PIK3C3: variants seen among roughly 807,000 people sequenced by gnomAD.
PIK3C3 encodes PI3-kinase type 3.
In PIK3C3, 95 loss-of-function variants were observed where a neutral mutation model predicts 126.1. The ratio of observed to expected loss-of-function variants is 0.75; its 90% CI spans 0.64 to 0.89. PIK3C3 has a LOEUF of 0.89. PIK3C3 is among the 40% of genes least tolerant of loss of function. The probability of loss-of-function intolerance (pLI) is 0.00; values close to 1 mark genes in which losing one functional copy is unlikely to be tolerated. For synonymous variants in PIK3C3, 374 were observed against 360.0 expected, an observed-to-expected ratio of 1.04 and a Z score of -0.44; for missense variants, 829 against 1,063.2, an observed-to-expected ratio of 0.78 and a Z score of 3.06.
At chr18:42,030,737 A>C (rs1429927973) in intron 15 of PIK3C3, among the ~76,000 whole-genome samples, 1 of 152,202 alleles carries the variant, frequency 6.6e-6, no homozygotes, top group Admixed American at 6.5e-5. Context: ...ACCTCTCCCC[A>C]GAGGTGGCTG....
intron 22 of PIK3C3, chr18:42,059,762 T>A (rs890086668): frequency 6.6e-6 from 1 of 152,054 alleles, no homozygotes; most frequent in Non-Finnish European, 1.5e-5. Context: ...CCTAAATTAT[T>A]TGATCAACTT....
intron 11 of PIK3C3, among the ~76,000 whole-genome samples, chr18:42,015,091 C>CT (rs768497650): frequency 1.4e-4 from 21 of 151,958 alleles, no homozygotes; most frequent in African/African-American, 4.8e-4. Context: ...TTTTTTAGTT[C>CT]TTTTTTTAAG....
At chr18:42,058,561 A>C (rs1371446041) in intron 22 of PIK3C3, among the ~76,000 whole-genome samples, 1 of 152,176 alleles carries the variant, frequency 6.6e-6, no homozygotes, top group African/African-American at 2.4e-5. Context: ...CTCTTCAGGA[A>C]TATTCAGAAG....
chr18:41,970,156 A>G (rs1476817243), intron 3 of PIK3C3, among the ~76,000 whole-genome samples, 171 bp from the exon 4 acceptor site: 3 of 152,206 alleles, frequency 2.0e-5, no homozygotes, highest in Non-Finnish European at 2.9e-5. Flanking sequence ...GCAGTGTGAC[A>G]TGGATTTTAG....
chr18:42,044,241 C>T (rs1399900768), intron 20 of PIK3C3, among the ~76,000 whole-genome samples: 2 of 152,076 alleles, frequency 1.3e-5, no homozygotes, highest in African/African-American at 4.8e-5. Context: ...AGAGTCAGTC[C>T]TTATGGTCCA....
chr18:42,000,695 A>G (rs1982244008), intron 9 of PIK3C3, among the ~76,000 whole-genome samples: 1 of 152,200 alleles, frequency 6.6e-6, no homozygotes, highest in African/African-American at 2.4e-5. Flanking sequence ...CCTCACAATC[A>G]TGATGGAAGG....
intron 6 of PIK3C3, 100 bp downstream of exon 6, chr18:41,990,654 G>C: frequency 3.1e-6 from 2 of 653,370 alleles, no homozygotes; most frequent in Non-Finnish European, 5.4e-6. Context: ...TTGGTTGCAG[G>C]GTAGCAGCAG....
chr18:42,046,687 T>G (rs1984572871), intron 20 of PIK3C3, among the ~76,000 whole-genome samples: 1 of 152,278 alleles, frequency 6.6e-6, no homozygotes, highest in South Asian at 2.1e-4. Context: ...TCTTAAATCA[T>G]TCTGAGTATT....
intron 2 of PIK3C3, among the ~76,000 whole-genome samples, chr18:41,961,796 A>G (rs571008334): frequency 2.0e-5 from 3 of 152,200 alleles, no homozygotes; most frequent in African/African-American, 4.8e-5. Context: ...GAAAATTTAC[A>G]TAAATATATA....
intron 24 of PIK3C3, among the ~76,000 whole-genome samples, chr18:42,079,465 ATAT>A (rs1451143504): frequency 1.3e-5 from 2 of 152,228 alleles, no homozygotes; most frequent in Non-Finnish European, 2.9e-5. Context: ...AAATTTTGAA[ATAT>A]TATGAGAATT....
At chr18:41,996,333 T>C (rs572375266) in intron 8 of PIK3C3, among the ~76,000 whole-genome samples, 1 of 152,318 alleles carries the variant, frequency 6.6e-6, no homozygotes, top group Admixed American at 6.5e-5. Flanking sequence ...TGCACATTTT[T>C]CCTTTTTCTG....
At chr18:42,018,690 T>G (rs1321591966) in intron 12 of PIK3C3, among the ~76,000 whole-genome samples, 1 of 152,134 alleles carries the variant, frequency 6.6e-6, no homozygotes, top group African/African-American at 2.4e-5. Context: ...TGATCCCTAC[T>G]CTTTCATTAT....
At chr18:41,974,621 CT>C (rs1421233976) in intron 4 of PIK3C3, among the ~76,000 whole-genome samples, 3 of 139,446 alleles carry the variant, frequency 2.2e-5, no homozygotes, top group African/African-American at 8.0e-5. Flanking sequence ...AGTATAGTGT[CT>C]TTCCGTTTGA....
At position 41,957,679 on chromosome 18, in the gene PIK3C3, A is replaced by G. The variant is rs756355525; in HGVS notation, c.178A>G (p.Thr60Ala). Residue 60 changes from threonine to alanine, a missense_variant, in exon 2 of 25, where the codon ACT (threonine) becomes GCT (alanine). Coordinates refer to ENST00000262039, the MANE Select transcript of PIK3C3 (RefSeq NM_002647.4). ...AGAGACATGCTCTGATCTTTATGTT[A>G]CTTGTCAAGTTTTTGCAGAAGGGAA... is the stretch of plus-strand genomic sequence containing the variant. ...YQETCSDLYVTCQVFAEGKPL... is the reference protein window; with the variant it reads ...YQETCSDLYVACQVFAEGKPL... 2 of 1,613,966 alleles carry G rather than the reference A, an allele frequency of 1.2e-6. No homozygotes were observed. The highest frequency in any genetic ancestry group is 4.5e-5 in the East Asian group (2 of 44,848).
At chr18:41,966,029 C>T (rs1980342953) in intron 3 of PIK3C3, among the ~76,000 whole-genome samples, 1 of 152,168 alleles carries the variant, frequency 6.6e-6, no homozygotes, top group Admixed American at 6.5e-5. Flanking sequence ...GTCCCGAACA[C>T]ATCAGATGCC....
At chr18:42,068,989 G>GTT (rs533042069) in intron 24 of PIK3C3, among the ~76,000 whole-genome samples, 21 of 150,964 alleles carry the variant, frequency 1.4e-4, no homozygotes, top group Middle Eastern at 3.5e-3. Context: ...TTTAGATTCC[G>GTT]TTATAACTCT....
At chr18:42,014,713 G>C (rs925995425) in intron 11 of PIK3C3, among the ~76,000 whole-genome samples, 2 of 152,154 alleles carry the variant, frequency 1.3e-5, no homozygotes, top group African/African-American at 4.8e-5. Context: ...TAGACTTCCT[G>C]AATCAGTCCA....
In PIK3C3 at chr18:41,962,627, A is replaced by G. The variant is rs993623431; in HGVS notation, c.396A>G (p.Lys132=). The G allele has an allele frequency of 1.2e-6, 2 of 1,610,876 alleles. No individual in the cohort carries two copies. The highest frequency in any genetic ancestry group is 8.5e-7 in the Non-Finnish European group (1 of 1,178,136). Residue 132 remains lysine (K), a synonymous_variant, in exon 3 of 25, where the codon AAA becomes AAG. Coordinates refer to ENST00000262039, the MANE Select transcript of PIK3C3 (RefSeq NM_002647.4). ...GAACAACGGTTTCGCTCTTTGGAAA[A>G]TACGGGTAAGCATTCTGTTGGTCTC... ...VGGTTVSLFG[K]YGMFRQGMHD...
Position 42,064,343 on chromosome 18 carries a change from T to C in PIK3C3, c.2433-397T>C, listed in dbSNP as rs1985445474. Among the ~76,000 whole-genome samples, 6 of 152,200 alleles carry C rather than the reference T, an allele frequency of 3.9e-5. No individual in the cohort carries two copies. In the South Asian group the frequency reaches 1.2e-3, roughly 32 times the overall value. ...TTCATTTAGCCATGACACACTGAGG[T>C]CATCTTAAAGTAGCAGATTGTTATC... On this transcript the variant is annotated intron_variant, in intron 22 of 24. Transcript: ENST00000262039.
Sources: gnomAD v4.1 joint callset for allele counts (sites outside exome capture counted in the v4.1 genomes callset) on GRCh38, gnomAD v4.1.1 for gene constraint, MANE v1.5 for transcripts, NCBI Gene and HGNC (gene_info 2026-07-23, HGNC 2026-07-21) for gene names.